INTS4: variants seen among roughly 807,000 people sequenced by gnomAD.
The protein encoded by INTS4 is integrator complex subunit 4.
Under a neutral mutation model 119.5 loss-of-function variants are expected in INTS4, and 70 were observed. That is an observed-to-expected ratio of 0.59 (90% CI 0.48 to 0.71). The LOEUF (loss-of-function observed/expected upper bound fraction) is 0.71. Ranked by LOEUF, INTS4 falls within the 30% of genes least tolerant of loss-of-function variation. The pLI is 0.00. For synonymous variants in INTS4, 316 were observed against 419.6 expected (o/e 0.75, Z 3.02); for missense variants, 867 against 1,173.2 (o/e 0.74, Z 3.81).
downstream of INTS4, among the ~76,000 whole-genome samples, chr11:77,877,349 T>C (rs185329514): frequency 1.3e-5 from 2 of 152,356 alleles, no homozygotes; most frequent in Non-Finnish European, 2.9e-5. Context: ...AAATTCCAGC[T>C]CCACCTCTGA....
At chr11:77,906,612 G>A (rs1331212909) in intron 16 of INTS4, among the ~76,000 whole-genome samples, 1 of 152,168 alleles carries the variant, frequency 6.6e-6, no homozygotes, top group Non-Finnish European at 1.5e-5. Flanking sequence ...TGATTACACA[G>A]ATATATACAT....
intron 17 of INTS4, among the ~76,000 whole-genome samples, chr11:77,902,647 T>C (rs953930698): frequency 6.6e-5 from 10 of 152,208 alleles, no homozygotes; most frequent in Non-Finnish European, 1.3e-4. Context: ...ATTAAGCTAA[T>C]AGACTTGAAA....
downstream of INTS4, among the ~76,000 whole-genome samples, chr11:77,876,623 A>AGCCC (rs939469801): frequency 1.1e-4 from 16 of 152,186 alleles, no homozygotes; most frequent in Admixed American, 8.5e-4. Context: ...CCCCTAGTAC[A>AGCCC]GCCCGTTCAA....
At chr11:77,932,217 T>C (rs1435885632) in intron 10 of INTS4, among the ~76,000 whole-genome samples, 1 of 151,536 alleles carries the variant, frequency 6.6e-6, no homozygotes, top group Non-Finnish European at 1.5e-5. Context: ...ATCCAGAATC[T>C]ACAAGGAACT....
At chr11:77,886,108 A>C (rs1408887945) in intron 21 of INTS4, among the ~76,000 whole-genome samples, 1 of 151,972 alleles carries the variant, frequency 6.6e-6, no homozygotes, top group Admixed American at 6.6e-5. Context: ...CAGGAGGCTG[A>C]GGCAGGAGGA....
At chr11:77,936,952 A>G (rs1017896534) in intron 10 of INTS4, among the ~76,000 whole-genome samples, 3 of 152,188 alleles carry the variant, frequency 2.0e-5, no homozygotes, top group African/African-American at 7.2e-5. Flanking sequence ...AAGCGGGCAG[A>G]TAAGTTGAGC....
chr11:77,980,151 T>C (rs371744676), intron 3 of INTS4, among the ~76,000 whole-genome samples: 21 of 143,130 alleles, frequency 1.5e-4, no homozygotes, highest in East Asian at 1.2e-3. Context: ...AACACTCTTT[T>C]TTCCAACTAC....
At chr11:77,983,009 A>T in intron 2 of INTS4, among the ~76,000 whole-genome samples, 1 of 152,216 alleles carries the variant, frequency 6.6e-6, no homozygotes, top group East Asian at 1.9e-4. Flanking sequence ...AACTTACCTT[A>T]AGGTGTGAAG....
intron 4 of INTS4, among the ~76,000 whole-genome samples, chr11:77,974,811 G>A (rs1855881653): frequency 6.6e-6 from 1 of 152,038 alleles, no homozygotes; most frequent in African/African-American, 2.4e-5. Context: ...ATGTGACCCA[G>A]GCTGGTCTTG....
chr11:77,918,759 C>A, intron 15 of INTS4, 62 bp downstream of exon 15: 2 of 1,576,124 alleles, frequency 1.3e-6, no homozygotes, highest in Middle Eastern at 2.3e-4. Flanking sequence ...CACCAGAATT[C>A]AGAACAGTCA....
At chr11:77,891,051 G>C (rs1357103317) in intron 21 of INTS4, among the ~76,000 whole-genome samples, 2 of 152,096 alleles carry the variant, frequency 1.3e-5, no homozygotes, top group Non-Finnish European at 2.9e-5. Flanking sequence ...ACCCTTACTG[G>C]GTCCTGGGGG....
intron 16 of INTS4, among the ~76,000 whole-genome samples, chr11:77,906,653 C>A (rs1174569273): frequency 6.6e-6 from 1 of 152,156 alleles, no homozygotes; most frequent in Non-Finnish European, 1.5e-5. Context: ...TAACAAGGAC[C>A]ATTTAAGTGC....
chr11:77,883,938 A>G lies in INTS4; in HGVS notation c.2607T>C (p.Asp869=). The change falls in exon 22 of 23, where the codon GAT becomes GAC. Residue 869 remains aspartate (D), a synonymous_variant. Coordinates refer to ENST00000534064, the MANE Select transcript of INTS4 (RefSeq NM_033547.4). ...TGGGGTGAATCATCTGAGCCTGGCC[A>G]TCTGGATATAAGACCTAAAGGGTGA... ...NTVKVQVLYP[D]GQAQMIHPKP... is the part of the protein sequence containing the mutation. 1 of 1,613,278 alleles carries G rather than the reference A, an allele frequency of 6.2e-7. No individual in the cohort carries two copies. Among genetic ancestry groups the G allele is most frequent in the Non-Finnish European group, 8.5e-7 (1 of 1,179,620 alleles).
chr11:77,929,793 T>C (rs1257043771), intron 10 of INTS4, among the ~76,000 whole-genome samples: 1 of 152,220 alleles, frequency 6.6e-6, no homozygotes, highest in African/African-American at 2.4e-5. Context: ...ATTTCTCGCC[T>C]GGTAAGTGGA....
Position 77,921,444 on chromosome 11 carries a change from C to A in INTS4, c.1660G>T (p.Ala554Ser). The A allele has an allele frequency of 6.2e-7, 1 of 1,607,412 alleles. No homozygotes were observed. Among genetic ancestry groups the A allele is most frequent in the Non-Finnish European group, 8.5e-7 (1 of 1,173,996 alleles). ...GGCATTGTTGGACAGGTTTTAGCAG[C>A]ATTGAAAATAAGTACCAAAACTGCA... is the stretch of plus-strand genomic sequence containing the variant. Reference protein sequence around the residue: ...YIAVLVLIFNAAKTCPTMPAL... With the variant: ...YIAVLVLIFNSAKTCPTMPAL... Residue 554 changes from alanine to serine, a missense_variant, in exon 14 of 23, where the codon GCT becomes TCT. Transcript: ENST00000534064.
intron 15 of INTS4, among the ~76,000 whole-genome samples, chr11:77,909,294 T>C (rs1790256): frequency 0.38 from 58,228 of 152,090 alleles, 11,319 homozygotes; most frequent in African/African-American, 0.42. Flanking sequence ...TGGAAAAATA[T>C]CTTAGTCATG....
intron 17 of INTS4, among the ~76,000 whole-genome samples, chr11:77,903,219 C>T (rs1342099156): frequency 2.0e-5 from 3 of 152,252 alleles, no homozygotes; most frequent in Non-Finnish European, 2.9e-5. Context: ...TGCTCCTTCT[C>T]ATATCACTAA....
chr11:77,958,043 C>T (rs2136575248), intron 7 of INTS4, among the ~76,000 whole-genome samples: 1 of 152,220 alleles, frequency 6.6e-6, no homozygotes, highest in East Asian at 1.9e-4. Context: ...AAAGAAGACA[C>T]AATTTCCAGT....
chr11:77,909,795 A>C (rs985572677), intron 15 of INTS4, among the ~76,000 whole-genome samples: 4 of 152,272 alleles, frequency 2.6e-5, no homozygotes, highest in Non-Finnish European at 4.4e-5. Context: ...TTGGTGATTT[A>C]AAACATTTAG....
Sources: gnomAD v4.1 joint callset for allele counts (sites outside exome capture counted in the v4.1 genomes callset) on GRCh38, gnomAD v4.1.1 for gene constraint, MANE v1.5 for transcripts, NCBI Gene and HGNC (gene_info 2026-07-23, HGNC 2026-07-21) for gene names.